The following H2BC4 variants were observed in gnomAD, a reference collection of about 807,000 sequenced individuals.
H2BC4 encodes H2B clustered histone 4, also known as histone H2B type 1-C/E/F/G/I.
H2BC4 carries 10 observed loss-of-function variants against 6.2 expected under a neutral mutation model. The ratio of observed to expected loss-of-function variants is 1.61; its 90% CI spans 0.99 to 2.73. The LOEUF is 2.73. H2BC4 is among the 30% of genes most tolerant of loss of function. The pLI, the probability that H2BC4 is intolerant of heterozygous loss-of-function variation, is 0.00. For synonymous variants in H2BC4, 146 were observed against 70.7 expected (o/e 2.07, Z -5.35); for missense variants, 176 against 168.7 (o/e 1.04, Z -0.24).
In H2BC4 at chr6:26,123,846, G is replaced by A. The variant is rs201200747; in HGVS notation, c.59C>T (p.Thr20Ile). Residue 20 changes from threonine to isoleucine, a missense_variant, in exon 1 of 1, where the codon ACC (threonine) becomes ATC (isoleucine). Thr to Ile is a moderately conservative substitution (Grantham distance 89, BLOSUM62 -1). Coordinates refer to ENST00000396984, the MANE Select transcript of H2BC4 (RefSeq NM_003526.3). The part of the protein sequence containing the change: ...APKKGSKKAV[T>I]KAQKKDGKKR... Reference sequence around the variant, plus strand: ...CTTGCCATCTTTCTTCTGCGCTTTGGTCACTGCCTTCTTGGAGCCCTTCTT... The same window carrying A: ...CTTGCCATCTTTCTTCTGCGCTTTGATCACTGCCTTCTTGGAGCCCTTCTT... The A allele has an allele frequency of 6.8e-6, 11 of 1,614,250 alleles. No individual in the cohort carries two copies. Among genetic ancestry groups the A allele is most frequent in the South Asian group, 2.2e-5 (2 of 91,086 alleles).
At chr6:26,122,611 C>T (rs773431780), downstream of H2BC4, among the ~76,000 whole-genome samples, 9 of 152,164 alleles carry the variant, frequency 5.9e-5, no homozygotes, top group Non-Finnish European at 1.2e-4. Context: ...CCACCCAGCG[C>T]CTAGTCCTTA....
downstream of H2BC4, among the ~76,000 whole-genome samples, chr6:26,122,328 CTA>C (rs1384324044): frequency 1.3e-5 from 2 of 152,132 alleles, no homozygotes; most frequent in African/African-American, 4.8e-5. Context: ...TGCTTTAACA[CTA>C]ATTTTATTTA....
At chr6:26,120,296 C>A (rs1480988843), downstream of H2BC4, among the ~76,000 whole-genome samples, 1 of 152,040 alleles carries the variant, frequency 6.6e-6, no homozygotes, top group Non-Finnish European at 1.5e-5. Flanking sequence ...ACTAAAAATG[C>A]ACAAATTAGC....
chr6:26,123,340 T>G (rs1581412830), downstream of H2BC4: 4 of 1,077,916 alleles, frequency 3.7e-6, no homozygotes. Context: ...TTCTTTCGGG[T>G]TCAGGACCCT....
chr6:26,119,977 T>C (rs1441952883), downstream of H2BC4, among the ~76,000 whole-genome samples: 1 of 152,124 alleles, frequency 6.6e-6, no homozygotes, highest in African/African-American at 2.4e-5. Context: ...ACTTTTTTTC[T>C]CTTAATTAGA....
chr6:26,119,170 C>T (rs1452587172), downstream of H2BC4, among the ~76,000 whole-genome samples: 4 of 151,816 alleles, frequency 2.6e-5, no homozygotes, highest in East Asian at 1.9e-4. Context: ...ATAGGCATGA[C>T]GAAAACAGAG....
intron 1 of H2BC4, among the ~76,000 whole-genome samples, chr6:26,115,433 C>G (rs1210819524): frequency 1.3e-5 from 2 of 152,156 alleles, no homozygotes; most frequent in Admixed American, 6.5e-5. Flanking sequence ...TGCAGTAAAC[C>G]CACATCCTCT....
At chr6:26,119,311 G>A (rs1763468660), downstream of H2BC4, among the ~76,000 whole-genome samples, 1 of 152,002 alleles carries the variant, frequency 6.6e-6, no homozygotes, top group Non-Finnish European at 1.5e-5. Flanking sequence ...TTTATCAATG[G>A]TTATTCTAAA....
chr6:26,116,074 C>A (rs531634871), intron 1 of H2BC4, among the ~76,000 whole-genome samples: 5 of 152,156 alleles, frequency 3.3e-5, no homozygotes, highest in South Asian at 2.1e-4. Context: ...CTCTTGAATC[C>A]AATTCTTTTA....
chr6:26,121,562 G>C (rs1457000173), downstream of H2BC4, among the ~76,000 whole-genome samples: 2 of 152,060 alleles, frequency 1.3e-5, no homozygotes, highest in Non-Finnish European at 2.9e-5. Flanking sequence ...TTGTACAGAA[G>C]AGAGAACAAG....
chr6:26,115,484 C>A (rs1232176002), intron 1 of H2BC4, among the ~76,000 whole-genome samples: 1 of 152,176 alleles, frequency 6.6e-6, no homozygotes, highest in Non-Finnish European at 1.5e-5. Context: ...ATGAATGTAA[C>A]CTAGTCAGTG....
chr6:26,117,022 C>G (rs536082618), intron 1 of H2BC4, among the ~76,000 whole-genome samples: 1 of 152,114 alleles, frequency 6.6e-6, no homozygotes, highest in Non-Finnish European at 1.5e-5. Flanking sequence ...ATATATCCTT[C>G]CAAATCTGGA....
At chr6:26,114,603 A>C (rs1169699724), downstream of H2BC4, among the ~76,000 whole-genome samples, 1 of 152,070 alleles carries the variant, frequency 6.6e-6, no homozygotes, top group Non-Finnish European at 1.5e-5. Context: ...TATCCTTAGG[A>C]AATAATATTT....
downstream of H2BC4, among the ~76,000 whole-genome samples, chr6:26,122,406 G>A (rs1005964233): frequency 1.1e-4 from 16 of 152,138 alleles, no homozygotes; most frequent in Admixed American, 8.5e-4. Context: ...TTCTAGACTT[G>A]AATAAAAAGA....
chr6:26,118,951 G>T (rs1763463618), downstream of H2BC4, among the ~76,000 whole-genome samples: 2 of 151,980 alleles, frequency 1.3e-5, no homozygotes, highest in African/African-American at 2.4e-5. Context: ...ATAAGAAAAA[G>T]ATTGAAGTCT....
chr6:26,117,970 C>A (rs1161183200), intron 1 of H2BC4, among the ~76,000 whole-genome samples: 1 of 152,176 alleles, frequency 6.6e-6, no homozygotes, highest in East Asian at 1.9e-4. Flanking sequence ...CTGTGCAGCA[C>A]TATGGCTATC....
downstream of H2BC4, among the ~76,000 whole-genome samples, chr6:26,114,339 C>T (rs1403979013): frequency 1.3e-5 from 2 of 152,060 alleles, no homozygotes; most frequent in Non-Finnish European, 2.9e-5. Flanking sequence ...TAACAAGAAA[C>T]ATGGGAAGAA....
downstream of H2BC4, among the ~76,000 whole-genome samples, chr6:26,114,648 T>C (rs1482561127): frequency 1.3e-5 from 2 of 152,046 alleles, no homozygotes; most frequent in Non-Finnish European, 2.9e-5. Context: ...GTGTGAGCTA[T>C]ATAATCTATA....
chr6:26,123,401 T>A (rs198821), downstream of H2BC4: 1 of 1,486,542 alleles, frequency 6.7e-7, no homozygotes. Context: ...CCAGTTCCTA[T>A]ATTCTAATAC....
Sources: gnomAD v4.1 joint callset for allele counts (sites outside exome capture counted in the v4.1 genomes callset) on GRCh38, gnomAD v4.1.1 for gene constraint, MANE v1.5 for transcripts, NCBI Gene and HGNC (gene_info 2026-07-23, HGNC 2026-07-21) for gene names.